The following KCNIP4 variants were observed in gnomAD, a reference collection of about 807,000 sequenced individuals.
KCNIP4 encodes Kv channel-interacting protein 4.
In KCNIP4, 12 loss-of-function variants were observed where a neutral mutation model predicts 34.0. The ratio of observed to expected loss-of-function variants is 0.35; its 90% CI spans 0.23 to 0.57. The LOEUF (loss-of-function observed/expected upper bound fraction) is 0.57. Ranked by LOEUF, KCNIP4 falls within the 20% of genes least tolerant of loss-of-function variation. The pLI, the probability that KCNIP4 is intolerant of heterozygous loss-of-function variation, is 0.83. For missense variants in KCNIP4, 238 were observed against 311.7 expected, an observed-to-expected ratio of 0.76 and a Z score of 1.78; for synonymous variants, 124 against 102.2, an observed-to-expected ratio of 1.21 and a Z score of -1.29.
chr4:21,044,883 A>G (rs1249566770), intron 1 of KCNIP4, among the ~76,000 whole-genome samples: 1 of 152,188 alleles, frequency 6.6e-6, no homozygotes, highest in Admixed American at 6.5e-5. Context: ...GTTGGGGGCC[A>G]CCTGCTCCTT....
At chr4:21,141,775 T>A (rs1751970090) in intron 1 of KCNIP4, among the ~76,000 whole-genome samples, 1 of 152,038 alleles carries the variant, frequency 6.6e-6, no homozygotes, top group African/African-American at 2.4e-5. Context: ...AAAATCTCTT[T>A]TTAGGGCATT....
At chr4:21,771,559 T>C (rs1325012195) in intron 1 of KCNIP4, among the ~76,000 whole-genome samples, 1 of 152,214 alleles carries the variant, frequency 6.6e-6, no homozygotes, top group Non-Finnish European at 1.5e-5. Context: ...ATGATATTGA[T>C]TCTTCCTATC....
intron 1 of KCNIP4, among the ~76,000 whole-genome samples, chr4:21,027,158 G>A (rs1038489844): frequency 5.3e-5 from 8 of 152,138 alleles, no homozygotes; most frequent in African/African-American, 9.7e-5. Context: ...CTAAGATGTC[G>A]GTAATGGAGG....
At chr4:21,364,356 A>T (rs1719514084) in intron 1 of KCNIP4, among the ~76,000 whole-genome samples, 1 of 152,188 alleles carries the variant, frequency 6.6e-6, no homozygotes. Flanking sequence ...GTTTCTGCCA[A>T]GAGGAATATA....
At chr4:21,658,029 G>A (rs997283270) in intron 1 of KCNIP4, among the ~76,000 whole-genome samples, 3 of 151,946 alleles carry the variant, frequency 2.0e-5, no homozygotes, top group Non-Finnish European at 2.9e-5. Flanking sequence ...GAGTAGAGAC[G>A]AGGTTTCACC....
intron 1 of KCNIP4, among the ~76,000 whole-genome samples, chr4:21,555,506 C>T (rs1318978442): frequency 6.6e-6 from 1 of 152,004 alleles, no homozygotes; most frequent in East Asian, 1.9e-4. Flanking sequence ...ATCAAATTTT[C>T]TTGTTTGAGC....
chr4:21,684,765 C>T (rs1750681169), intron 1 of KCNIP4, among the ~76,000 whole-genome samples: 1 of 152,074 alleles, frequency 6.6e-6, no homozygotes, highest in Non-Finnish European at 1.5e-5. Context: ...GTGTGCTGCA[C>T]CCATTAACTC....
At chr4:21,551,941 C>T (rs1164327409) in intron 1 of KCNIP4, among the ~76,000 whole-genome samples, 1 of 151,542 alleles carries the variant, frequency 6.6e-6, no homozygotes, top group Non-Finnish European at 1.5e-5. Flanking sequence ...AGTTTTTCCC[C>T]AGTGAGCCTC....
At chr4:21,722,768 T>C (rs1218268212) in intron 1 of KCNIP4, among the ~76,000 whole-genome samples, 2 of 152,158 alleles carry the variant, frequency 1.3e-5, no homozygotes, top group African/African-American at 4.8e-5. Context: ...TAAAATGTAT[T>C]ATTGCTGCCA....
At chr4:21,250,396 C>A (rs1021390808) in intron 1 of KCNIP4, among the ~76,000 whole-genome samples, 6 of 152,064 alleles carry the variant, frequency 3.9e-5, no homozygotes, top group African/African-American at 1.4e-4. Flanking sequence ...TCACAAATGA[C>A]AGTGAATATT....
At chr4:21,204,322 G>A (rs1358272653) in intron 1 of KCNIP4, among the ~76,000 whole-genome samples, 1 of 152,080 alleles carries the variant, frequency 6.6e-6, no homozygotes, top group East Asian at 1.9e-4. Context: ...GGACTTCCTT[G>A]AGACTTAGTT....
intron 1 of KCNIP4, among the ~76,000 whole-genome samples, chr4:21,830,270 C>T (rs1027479306): frequency 7.2e-5 from 11 of 152,050 alleles, no homozygotes; most frequent in Non-Finnish European, 1.6e-4. Context: ...AAAAATGGCT[C>T]AATTCATCAG....
intron 1 of KCNIP4, among the ~76,000 whole-genome samples, chr4:21,147,945 A>AAAAAAAAAG (rs1752484592): frequency 7.4e-6 from 1 of 134,552 alleles, no homozygotes; most frequent in South Asian, 2.5e-4. Flanking sequence ...GTCTCAAAAA[A>AAAAAAAAAG]AAAAAAAAAA....
chr4:21,420,509 A>T (rs775172383), intron 1 of KCNIP4, among the ~76,000 whole-genome samples: 2 of 152,160 alleles, frequency 1.3e-5, no homozygotes, highest in Non-Finnish European at 2.9e-5. Flanking sequence ...TATTAGGGAG[A>T]TTCAAAACCC....
At chr4:21,771,170 T>C (rs1175969786) in intron 1 of KCNIP4, among the ~76,000 whole-genome samples, 1 of 152,212 alleles carries the variant, frequency 6.6e-6, no homozygotes, top group Non-Finnish European at 1.5e-5. Flanking sequence ...GCTAGCCAGC[T>C]TTCCCAGCAC....
intron 1 of KCNIP4, among the ~76,000 whole-genome samples, chr4:20,984,464 C>T (rs1021544060): frequency 2.0e-5 from 3 of 152,176 alleles, no homozygotes; most frequent in Non-Finnish European, 2.9e-5. Flanking sequence ...AGCTCCCTCT[C>T]TGAATGCTAG....
chr4:20,955,616 A>G (rs1733221013), intron 1 of KCNIP4, among the ~76,000 whole-genome samples: 1 of 152,192 alleles, frequency 6.6e-6, no homozygotes, highest in African/African-American at 2.4e-5. Context: ...ATACTGAAAA[A>G]TCTACTTATC....
intron 1 of KCNIP4, among the ~76,000 whole-genome samples, chr4:21,135,908 AT>A (rs1488121093): frequency 6.6e-6 from 1 of 152,218 alleles, no homozygotes; most frequent in African/African-American, 2.4e-5. Flanking sequence ...TAATTGAAAT[AT>A]TCCCTATGAA....
chr4:20,829,969 A>G (rs1194927630), intron 3 of KCNIP4, among the ~76,000 whole-genome samples: 2 of 152,062 alleles, frequency 1.3e-5, no homozygotes, highest in Non-Finnish European at 2.9e-5. Flanking sequence ...TGTCTAAGAG[A>G]CATCCTAACT....
Sources: allele counts gnomAD v4.1 joint callset (sites outside exome capture counted in the v4.1 genomes callset), GRCh38; gene constraint gnomAD v4.1.1; transcripts MANE v1.5; gene names NCBI Gene and HGNC (gene_info 2026-07-23, HGNC 2026-07-21).